Variants in RAP1GDS1 observed in about 807,000 individuals in gnomAD.
The protein encoded by RAP1GDS1 is Rap1 GTPase-GDP dissociation stimulator 1, also known as RAP1, GTP-GDP dissociation stimulator 1.
Under a neutral mutation model 71.1 loss-of-function variants are expected in RAP1GDS1, and 35 were observed. That is an observed-to-expected ratio of 0.49 (90% CI 0.38 to 0.65). The LOEUF (loss-of-function observed/expected upper bound fraction) is 0.65, where lower values mean the gene tolerates loss of function less well. RAP1GDS1 is among the 30% of genes least tolerant of loss of function. The pLI is 0.00. For synonymous variants in RAP1GDS1, 229 were observed against 243.1 expected, an observed-to-expected ratio of 0.94 and a Z score of 0.54; for missense variants, 663 against 706.1, an observed-to-expected ratio of 0.94 and a Z score of 0.69.
At chr4:98,335,214 G>C (rs1291813935) in intron 2 of RAP1GDS1, among the ~76,000 whole-genome samples, 1 of 152,118 alleles carries the variant, frequency 6.6e-6, no homozygotes, top group African/African-American at 2.4e-5. Context: ...CAGGACTGTT[G>C]TTTTAGGTGC....
chr4:98,299,253 C>A (rs1301902905), intron 2 of RAP1GDS1, among the ~76,000 whole-genome samples: 5 of 152,140 alleles, frequency 3.3e-5, no homozygotes, highest in Non-Finnish European at 7.3e-5. Flanking sequence ...TTTTTTATGT[C>A]TGCATAGTAT....
chr4:98,378,726 G>A (rs529268522), intron 4 of RAP1GDS1, among the ~76,000 whole-genome samples: 1 of 151,918 alleles, frequency 6.6e-6, no homozygotes, highest in Admixed American at 6.6e-5. Flanking sequence ...GGGAGTGAAA[G>A]TTTTCATATT....
At chr4:98,365,438 A>G (rs1913490) in intron 4 of RAP1GDS1, among the ~76,000 whole-genome samples, 21,326 of 149,394 alleles carry the variant, frequency 0.14, 2,208 homozygotes, top group African/African-American at 0.28. Flanking sequence ...AACATGGCGG[A>G]ACCCCCTATC....
At chr4:98,344,012 C>A (rs1482213509) in intron 3 of RAP1GDS1, among the ~76,000 whole-genome samples, 7 of 152,030 alleles carry the variant, frequency 4.6e-5, no homozygotes, top group African/African-American at 7.2e-5. Context: ...ATATATTATT[C>A]TTTAAAGTGA....
intron 2 of RAP1GDS1, among the ~76,000 whole-genome samples, chr4:98,302,283 A>G (rs1728679166): frequency 6.6e-6 from 1 of 152,178 alleles, no homozygotes; most frequent in Non-Finnish European, 1.5e-5. Context: ...ACCAAAGTGA[A>G]CACCAGGAAG....
intron 4 of RAP1GDS1, among the ~76,000 whole-genome samples, chr4:98,363,457 A>G (rs28367114): frequency 0.16 from 23,357 of 145,468 alleles, 3,175 homozygotes; most frequent in African/African-American, 0.37. Context: ...CTCCAGCCTA[A>G]ATAACAGTGA....
intron 3 of RAP1GDS1, among the ~76,000 whole-genome samples, chr4:98,349,163 T>C (rs919011337): frequency 6.6e-5 from 10 of 152,224 alleles, no homozygotes; most frequent in African/African-American, 2.4e-4. Context: ...AAGGAAGGGA[T>C]CCAGTTTCAG....
At chr4:98,329,670 TCC>T (rs2110362763) in intron 2 of RAP1GDS1, among the ~76,000 whole-genome samples, 1 of 151,314 alleles carries the variant, frequency 6.6e-6, no homozygotes, top group South Asian at 2.1e-4. Flanking sequence ...ACACCTGTAA[TCC>T]CAGCTACTCG....
chr4:98,299,391 A>G (rs1380614690), intron 2 of RAP1GDS1, among the ~76,000 whole-genome samples: 1 of 152,232 alleles, frequency 6.6e-6, no homozygotes, highest in East Asian at 1.9e-4. Context: ...TCTTTATAGT[A>G]GCATGAAAAT....
At chr4:98,346,445 G>A (rs2110405809) in intron 3 of RAP1GDS1, among the ~76,000 whole-genome samples, 1 of 152,160 alleles carries the variant, frequency 6.6e-6, no homozygotes, top group Admixed American at 6.5e-5. Flanking sequence ...AAAAATCATT[G>A]AATAAAGTTG....
At chr4:98,261,673 T>TC (rs1721989407) in intron 1 of RAP1GDS1, 104 bp downstream of exon 1, 1 of 1,382,244 alleles carries the variant, frequency 7.2e-7, no homozygotes, top group East Asian at 2.7e-5. Context: ...ATTTCTCCAG[T>TC]CCCCGGGTGT....
At chr4:98,423,388 CAG>C (rs1231891266) in intron 12 of RAP1GDS1, among the ~76,000 whole-genome samples, 2 of 152,090 alleles carry the variant, frequency 1.3e-5, no homozygotes, top group Admixed American at 1.3e-4. Flanking sequence ...AGACAGTAGC[CAG>C]AGAGGTTGAA....
intron 2 of RAP1GDS1, among the ~76,000 whole-genome samples, chr4:98,335,020 T>C (rs7687685): frequency 0.14 from 21,134 of 151,842 alleles, 2,111 homozygotes; most frequent in African/African-American, 0.28. Context: ...GAATAATGAC[T>C]GTTTGAGCTC....
intron 6 of RAP1GDS1, among the ~76,000 whole-genome samples, chr4:98,400,598 A>T (rs996877581): frequency 6.6e-6 from 1 of 151,860 alleles, no homozygotes; most frequent in Non-Finnish European, 1.5e-5. Flanking sequence ...ATAGGGAAAG[A>T]TTAGATACAG....
Position 98,297,011 on chromosome 4 carries a change from T to G in RAP1GDS1, c.112+3496T>G. ...AAGAAGTAAGCTGTCTTCCCCTGCC[T>G]CGTTCTCTTTTTTTTTTTTTTGTAT... On this transcript the variant is annotated intron_variant, in intron 2 of 14. Coordinates refer to ENST00000408927, the MANE Select transcript of RAP1GDS1 (RefSeq NM_001100427.2). The G allele has an allele frequency of 1.6e-5, 3 of 184,652 alleles. No homozygotes were observed. The South Asian group carries it at 2.5e-4, about 15-fold the overall frequency. 11.4% of individuals were successfully genotyped at this position (184,652 alleles called of 1,614,324 possible). A position where few individuals can be genotyped will look rare whatever the true frequency, so the allele number is the denominator to read the frequency against.
intron 12 of RAP1GDS1, among the ~76,000 whole-genome samples, chr4:98,430,047 T>C (rs1160385429): frequency 2.0e-5 from 3 of 152,132 alleles, no homozygotes. Flanking sequence ...TTTTGAGGCT[T>C]TTCTGTGAAT....
chr4:98,421,155 G>A, intron 11 of RAP1GDS1, 100 bp from the exon 12 acceptor site: 1 of 1,278,916 alleles, frequency 7.8e-7, no homozygotes, highest in Non-Finnish European at 1.1e-6. Context: ...TTGTCGTGCT[G>A]TGTTTTTTTA....
intron 2 of RAP1GDS1, among the ~76,000 whole-genome samples, chr4:98,325,844 G>A (rs1374300946): frequency 6.6e-6 from 1 of 150,808 alleles, no homozygotes; most frequent in African/African-American, 2.4e-5. Context: ...AGTGGGTGCA[G>A]CGCACCAGCA....
At chr4:98,408,293 A>AT (rs1371907239) in intron 7 of RAP1GDS1, among the ~76,000 whole-genome samples, 1 of 151,694 alleles carries the variant, frequency 6.6e-6, no homozygotes, top group Non-Finnish European at 1.5e-5. Flanking sequence ...CGCCTGGCTA[A>AT]TTTTTTTATT....
Sources: allele counts gnomAD v4.1 joint callset (sites outside exome capture counted in the v4.1 genomes callset), GRCh38; gene constraint gnomAD v4.1.1; transcripts MANE v1.5; gene names NCBI Gene and HGNC (gene_info 2026-07-23, HGNC 2026-07-21).